DCC: variants seen among roughly 807,000 people sequenced by gnomAD.
The protein encoded by DCC is netrin receptor DCC.
Under a neutral mutation model 172.5 loss-of-function variants are expected in DCC, and 58 were observed. The ratio of observed to expected loss-of-function variants is 0.34; its 90% confidence interval spans 0.27 to 0.42. The LOEUF (loss-of-function observed/expected upper bound fraction) is 0.42. Ranked by LOEUF, DCC falls within the 10% of genes least tolerant of loss-of-function variation. The pLI, the probability that DCC is intolerant of heterozygous loss-of-function variation, is 1.00. For missense variants in DCC, 1,740 were observed against 1,791.0 expected (o/e 0.97, Z 0.51); for synonymous variants, 709 against 644.5 (o/e 1.10, Z -1.52).
At chr18:52,651,673 T>C (rs1364517267) in intron 1 of DCC, among the ~76,000 whole-genome samples, 2 of 152,140 alleles carry the variant, frequency 1.3e-5, no homozygotes, top group African/African-American at 2.4e-5. Flanking sequence ...AGTGAGTATA[T>C]TTTTAAAATA....
At chr18:52,427,847 C>T (rs111809026) in intron 1 of DCC, among the ~76,000 whole-genome samples, 2,402 of 115,594 alleles carry the variant, frequency 0.021, 123 homozygotes, top group South Asian at 0.061. Flanking sequence ...TTCCTTCCTT[C>T]CTTCCTTCCT....
intron 4 of DCC, among the ~76,000 whole-genome samples, chr18:52,924,674 T>C (rs1598935162): frequency 6.6e-6 from 1 of 152,198 alleles, no homozygotes; most frequent in Middle Eastern, 3.4e-3. Context: ...CAATCATAAA[T>C]TAATCTTTAA....
intron 2 of DCC, among the ~76,000 whole-genome samples, chr18:52,803,819 A>G (rs755615443): frequency 1.3e-5 from 2 of 152,252 alleles, no homozygotes; most frequent in African/African-American, 2.4e-5. Context: ...AGTTTGTAAA[A>G]GAATAGGTAA....
intron 1 of DCC, among the ~76,000 whole-genome samples, chr18:52,704,398 G>T (rs146989210): frequency 6.6e-6 from 1 of 152,088 alleles, no homozygotes; most frequent in Non-Finnish European, 1.5e-5. Flanking sequence ...AAATATTTGA[G>T]GCTTTCAAAA....
At chr18:52,356,502 G>C (rs778315182) in intron 1 of DCC, among the ~76,000 whole-genome samples, 1 of 152,094 alleles carries the variant, frequency 6.6e-6, no homozygotes, top group Non-Finnish European at 1.5e-5. Context: ...AACTTAAATA[G>C]CTTTTCCTTT....
At chr18:53,490,250 G>A (rs2045946119) in intron 26 of DCC, among the ~76,000 whole-genome samples, 1 of 152,092 alleles carries the variant, frequency 6.6e-6, no homozygotes, top group South Asian at 2.1e-4. Context: ...AAGAAACTGG[G>A]GTTATGTAAA....
At chr18:52,459,898 TACACAC>T (rs1555684711) in intron 1 of DCC, among the ~76,000 whole-genome samples, 5 of 149,250 alleles carry the variant, frequency 3.4e-5, no homozygotes, top group African/African-American at 1.2e-4. Context: ...TATATATATA[TACACAC>T]ATATATATAC....
At chr18:52,851,186 T>TA (rs58195761) in intron 2 of DCC, among the ~76,000 whole-genome samples, 33,764 of 151,980 alleles carry the variant, frequency 0.22, 4,575 homozygotes, top group Admixed American at 0.31. Flanking sequence ...ATTTGAAACT[T>TA]ACAATATTTT....
At position 52,959,639 on chromosome 18, in the gene DCC, T is replaced by C. The variant is rs371643710; in HGVS notation, c.985+34269T>C. Among the ~76,000 whole-genome samples the C allele has an allele frequency of 1.8e-3, 267 of 152,090 alleles. 2 individuals carry two copies. In the Middle Eastern group the frequency reaches 0.02, roughly 12 times the overall value. ...AATTTTAAGTATTGAAAATAAAATTTTGTCTATAATTTTATCAAGCACTAG... is the reference window on the plus strand; with the variant it reads ...AATTTTAAGTATTGAAAATAAAATTCTGTCTATAATTTTATCAAGCACTAG... On this transcript the variant is annotated intron_variant, in intron 5 of 28. Coordinates refer to ENST00000442544, the MANE Select transcript of DCC (RefSeq NM_005215.4).
intron 1 of DCC, among the ~76,000 whole-genome samples, chr18:52,537,590 T>G (rs764252614): frequency 2.0e-5 from 3 of 151,970 alleles, no homozygotes; most frequent in Non-Finnish European, 4.4e-5. Context: ...GTCCACAGCA[T>G]GTACACATTT....
intron 1 of DCC, among the ~76,000 whole-genome samples, chr18:52,668,242 A>G (rs976245201): frequency 2.0e-5 from 3 of 152,188 alleles, no homozygotes; most frequent in African/African-American, 7.2e-5. Flanking sequence ...AATTTCAGAG[A>G]GTGGGGCTCC....
At chr18:52,391,776 A>G (rs1986038631) in intron 1 of DCC, among the ~76,000 whole-genome samples, 1 of 152,160 alleles carries the variant, frequency 6.6e-6, no homozygotes, top group Non-Finnish European at 1.5e-5. Flanking sequence ...CTATTTGGGC[A>G]TATCCCTGGA....
chr18:52,885,111 C>A (rs367623504), intron 2 of DCC, among the ~76,000 whole-genome samples: 27 of 152,198 alleles, frequency 1.8e-4, no homozygotes, highest in African/African-American at 6.0e-4. Flanking sequence ...AGATCTGAAG[C>A]AAACACAACA....
chr18:52,866,272 C>G (rs761162400), intron 2 of DCC, among the ~76,000 whole-genome samples: 36 of 152,242 alleles, frequency 2.4e-4, no homozygotes, highest in Admixed American at 5.2e-4. Flanking sequence ...GGTATCAGTA[C>G]CATGCTGTTT....
rs1390456351 is a variant in DCC, at chr18:53,429,020, T to TAA, written c.3164-6124_3164-6123insAA. ...TTTTATATAATATATATTTTATATATTTTTTATATAATATATATTTTATAT... is the reference window on the plus strand; with the variant it reads ...TTTTATATAATATATATTTTATATATAATTTTTATATAATATATATTTTATAT... On this transcript the variant is annotated intron_variant, in intron 21 of 28. Coordinates refer to ENST00000442544, the MANE Select transcript of DCC (RefSeq NM_005215.4). Among the ~76,000 whole-genome samples, 6 of 55,986 alleles carry TAA rather than the reference T, an allele frequency of 1.1e-4. 1 individual carries two copies. Among genetic ancestry groups the TAA allele is most frequent in the Non-Finnish European group, 2.3e-4 (6 of 25,622 alleles). 36.7% of individuals were successfully genotyped at this position (55,986 alleles called of 152,430 possible).
chr18:53,346,574 C>T (rs1047997138), intron 15 of DCC, among the ~76,000 whole-genome samples: 3 of 152,060 alleles, frequency 2.0e-5, no homozygotes, highest in Admixed American at 6.6e-5. Context: ...TTGTTAGGCT[C>T]ATATGGTAAA....
chr18:53,337,231 T>C (rs1269342654), intron 14 of DCC, among the ~76,000 whole-genome samples: 1 of 152,258 alleles, frequency 6.6e-6, no homozygotes, highest in South Asian at 2.1e-4. Context: ...ATGTTAAATA[T>C]TGTCATTAAA....
chr18:52,646,003 T>A (rs2035011115), intron 1 of DCC, among the ~76,000 whole-genome samples: 1 of 152,154 alleles, frequency 6.6e-6, no homozygotes, highest in African/African-American at 2.4e-5. Flanking sequence ...AGGAAAGCAT[T>A]ACTTTAGAGC....
At chr18:53,055,113 A>G (rs907932675) in intron 5 of DCC, among the ~76,000 whole-genome samples, 1 of 152,124 alleles carries the variant, frequency 6.6e-6, no homozygotes, top group African/African-American at 2.4e-5. Context: ...CTGGTCATCT[A>G]TAAATATTTA....
Sources: gnomAD v4.1 joint callset for allele counts (sites outside exome capture counted in the v4.1 genomes callset) on GRCh38, gnomAD v4.1.1 for gene constraint, MANE v1.5 for transcripts, NCBI Gene and HGNC (gene_info 2026-07-23, HGNC 2026-07-21) for gene names.